The following SLC35F1 variants were observed in gnomAD, a reference collection of about 807,000 sequenced individuals.
SLC35F1 encodes the protein solute carrier family 35 member F1, also known as chromosome 6 open reading frame 169.
In SLC35F1, 14 loss-of-function variants were observed where a neutral mutation model predicts 48.7. That is an observed-to-expected ratio of 0.29 (90% CI 0.19 to 0.45). The LOEUF (loss-of-function observed/expected upper bound fraction) is 0.45, where lower values mean the gene tolerates loss of function less well. Among genes scored for constraint, SLC35F1 ranks in the 20% least tolerant of loss-of-function variants. SLC35F1 has a pLI of 1.00. For synonymous variants in SLC35F1, 190 were observed against 202.2 expected, an observed-to-expected ratio of 0.94 and a Z score of 0.51; for missense variants, 404 against 500.0, an observed-to-expected ratio of 0.81 and a Z score of 1.83.
At chr6:118,123,623 T>C (rs1441066360) in intron 1 of SLC35F1, among the ~76,000 whole-genome samples, 1 of 152,184 alleles carries the variant, frequency 6.6e-6, no homozygotes, top group African/African-American at 2.4e-5. Context: ...CCTTTGATCT[T>C]CCCTAAAAAG....
intron 2 of SLC35F1, among the ~76,000 whole-genome samples, chr6:118,191,252 A>G (rs1214610577): frequency 2.6e-5 from 4 of 152,186 alleles, no homozygotes; most frequent in Non-Finnish European, 5.9e-5. Flanking sequence ...CTATCAAAGT[A>G]TAAGGTTATC....
chr6:118,237,299 C>T lies in SLC35F1; in HGVS notation c.477+1663C>T, dbSNP rs1038959342. 6.1e-5 allele frequency among the ~76,000 whole-genome samples: 9 copies of T among 148,146 alleles called. No homozygotes were observed. The South Asian group carries it at 8.6e-4, about 14-fold the overall frequency. The stretch of plus-strand genomic sequence containing the variant: ...CCCCAGTTACATTTTCTTTATTTTG[C>T]GCAAGACCTCATGAATTCTAAGAAA... On this transcript the variant is annotated intron_variant, in intron 3 of 7. Coordinates refer to ENST00000360388, the MANE Select transcript of SLC35F1 (RefSeq NM_001029858.4).
chr6:118,164,173 G>A (rs1271572161), intron 2 of SLC35F1, among the ~76,000 whole-genome samples: 2 of 152,192 alleles, frequency 1.3e-5, no homozygotes, highest in East Asian at 3.8e-4. Flanking sequence ...ACAAGTTAAA[G>A]TGATTGGGCT....
intron 6 of SLC35F1, among the ~76,000 whole-genome samples, chr6:118,278,081 G>A (rs895888968): frequency 3.3e-5 from 5 of 152,206 alleles, no homozygotes; most frequent in Non-Finnish European, 5.9e-5. Context: ...GACACGCTTT[G>A]AGCTAGTTAA....
intron 2 of SLC35F1, among the ~76,000 whole-genome samples, chr6:118,223,827 G>C (rs1775181993): frequency 6.6e-6 from 1 of 152,182 alleles, no homozygotes; most frequent in Non-Finnish European, 1.5e-5. Flanking sequence ...AAGAGTGCAG[G>C]CTGGCACCTT....
At chr6:118,019,225 A>C (rs1206398588) in intron 1 of SLC35F1, among the ~76,000 whole-genome samples, 1 of 151,756 alleles carries the variant, frequency 6.6e-6, no homozygotes, top group Non-Finnish European at 1.5e-5. Context: ...ATTTTACAAG[A>C]CATCTTTATA....
intron 1 of SLC35F1, among the ~76,000 whole-genome samples, chr6:118,051,938 C>T (rs1236083275): frequency 6.6e-6 from 1 of 152,082 alleles, no homozygotes; most frequent in Non-Finnish European, 1.5e-5. Flanking sequence ...CAATACCTTC[C>T]CTTATAAGAC....
intron 2 of SLC35F1, among the ~76,000 whole-genome samples, chr6:118,164,520 T>C (rs1439959050): frequency 6.6e-6 from 1 of 152,218 alleles, no homozygotes; most frequent in Non-Finnish European, 1.5e-5. Context: ...TTGTCTGTGC[T>C]GTATTTCATC....
chr6:118,247,850 T>C (rs1373220846), intron 3 of SLC35F1, among the ~76,000 whole-genome samples: 1 of 147,714 alleles, frequency 6.8e-6, no homozygotes, highest in Non-Finnish European at 1.5e-5. Flanking sequence ...ATTTAGAATT[T>C]CTCTTTTGAA....
At chr6:118,202,924 G>A (rs1774889793) in intron 2 of SLC35F1, among the ~76,000 whole-genome samples, 1 of 152,178 alleles carries the variant, frequency 6.6e-6, no homozygotes, top group Non-Finnish European at 1.5e-5. Context: ...TTTTTAAGCA[G>A]TTTAAGTGGT....
intron 1 of SLC35F1, among the ~76,000 whole-genome samples, chr6:117,923,756 TAC>T (rs1775968730): frequency 1.7e-5 from 1 of 59,988 alleles, no homozygotes; most frequent in East Asian, 4.3e-4. Context: ...TGTACATATA[TAC>T]ATATGCACAT....
chr6:118,003,400 CT>C (rs1330427098), intron 1 of SLC35F1, among the ~76,000 whole-genome samples: 1 of 152,158 alleles, frequency 6.6e-6, no homozygotes, highest in East Asian at 1.9e-4. Flanking sequence ...GCAGCAGGTT[CT>C]GGTTGGTTCT....
intron 1 of SLC35F1, among the ~76,000 whole-genome samples, chr6:118,090,341 C>T (rs1259634618): frequency 1.3e-5 from 2 of 152,100 alleles, no homozygotes; most frequent in Admixed American, 6.6e-5. Context: ...AGAGTTCCCA[C>T]CCTCACTGAG....
intron 7 of SLC35F1, among the ~76,000 whole-genome samples, chr6:118,287,110 T>C (rs1487844671): frequency 6.6e-6 from 1 of 152,176 alleles, no homozygotes; most frequent in Non-Finnish European, 1.5e-5. Flanking sequence ...CCAAGCTACC[T>C]TGGTCCTCAT....
chr6:117,930,979 A>G (rs569692562), intron 1 of SLC35F1, among the ~76,000 whole-genome samples: 1 of 152,228 alleles, frequency 6.6e-6, no homozygotes, highest in East Asian at 1.9e-4. Flanking sequence ...TTTACCTTTT[A>G]CCCTTTTAGC....
At chr6:118,144,589 A>C (rs567742803) in intron 1 of SLC35F1, among the ~76,000 whole-genome samples, 192 of 141,422 alleles carry the variant, frequency 1.4e-3, no homozygotes, top group African/African-American at 4.7e-3. Flanking sequence ...CCAGAACTTA[A>C]AAAAAAAAAA....
chr6:118,223,317 C>T (rs1413939114), intron 2 of SLC35F1, among the ~76,000 whole-genome samples: 1 of 152,154 alleles, frequency 6.6e-6, no homozygotes, highest in Non-Finnish European at 1.5e-5. Context: ...CTGTTAATAA[C>T]AAAGCTATCA....
chr6:118,030,793 T>C (rs1206286895), intron 1 of SLC35F1, among the ~76,000 whole-genome samples: 3 of 152,222 alleles, frequency 2.0e-5, no homozygotes, highest in Non-Finnish European at 4.4e-5. Context: ...TCTTTGAAGC[T>C]TTCTTCATAT....
intron 2 of SLC35F1, among the ~76,000 whole-genome samples, chr6:118,187,854 C>G (rs1345118992): frequency 1.3e-5 from 2 of 152,240 alleles, no homozygotes; most frequent in South Asian, 2.1e-4. Flanking sequence ...GCTGGTGTCT[C>G]TGGCTTTTGC....
Sources: allele counts gnomAD v4.1 joint callset (sites outside exome capture counted in the v4.1 genomes callset), GRCh38; gene constraint gnomAD v4.1.1; transcripts MANE v1.5; gene names NCBI Gene and HGNC (gene_info 2026-07-23, HGNC 2026-07-21).